Variants in RPS7 observed in about 807,000 individuals in gnomAD.
RPS7 encodes small ribosomal subunit protein eS7.
Under a neutral mutation model 22.1 loss-of-function variants are expected in RPS7, and 1 was observed. The ratio of observed to expected loss-of-function variants is 0.05; its 90% CI spans 0.02 to 0.21. RPS7 has a LOEUF of 0.21. Ranked by LOEUF, RPS7 falls within the 10% of genes least tolerant of loss-of-function variation. RPS7 has a pLI of 1.00. For synonymous variants in RPS7, 80 were observed against 92.0 expected, an observed-to-expected ratio of 0.87 and a Z score of 0.74; for missense variants, 137 against 246.4, an observed-to-expected ratio of 0.56 and a Z score of 2.97.
chr2:3,579,366 CTG>C (rs1457733460), intron 5 of RPS7: 2 of 152,274 alleles, frequency 1.3e-5, no homozygotes, highest in Non-Finnish European at 2.9e-5. Flanking sequence ...AAGATGTTAA[CTG>C]TGTATATGGG....
Position 3,576,805 on chromosome 2 carries a change from G to C in RPS7, c.291+175G>C, listed in dbSNP as rs13408903. ...CTTAGGCCTGTAATCCCAGCACGGG[G>C]AGGTGGAGGCGGGTGGATCACTGTA... On this transcript the variant is annotated intron_variant, in intron 4 of 6. Transcript: ENST00000645674. 34 of 813,148 alleles carry C rather than the reference G, an allele frequency of 4.2e-5. No homozygotes were observed. The African/African-American group carries it at 5.0e-4, about 12-fold the overall frequency. 50.4% of individuals were successfully genotyped at this position (813,148 alleles called of 1,614,324 possible). A position where few individuals can be genotyped will look rare whatever the true frequency, so the allele number is the denominator to read the frequency against.
intron 4 of RPS7, 166 bp downstream of exon 4, chr2:3,576,796 C>T (rs1661289644): frequency 1.2e-6 from 1 of 863,368 alleles, no homozygotes; most frequent in South Asian, 1.3e-5. Flanking sequence ...CCTGTAATCC[C>T]AGCACGGGGA....
At chr2:3,577,474 T>C (rs1175588313) in intron 4 of RPS7, 1 of 554,536 alleles carries the variant, frequency 1.8e-6, no homozygotes, top group African/African-American at 1.9e-5. Context: ...ATCTGGGAGA[T>C]TTTGTCCACT....
chr2:3,577,595 G>A (rs572293874), intron 4 of RPS7, 115 bp from the exon 5 acceptor site: 28 of 768,480 alleles, frequency 3.6e-5, no homozygotes, highest in African/African-American at 6.9e-5. Flanking sequence ...TAGCCTTCTC[G>A]AACTTTGAAC....
In RPS7 at chr2:3,576,611, A is replaced by T; in HGVS notation, c.272A>T (p.His91Leu). ...TTGGAGAAAAAGTTCAGTGGGAAGC[A>T]TGTCGTCTTTATCGCTCAGGTATCT... The part of the protein sequence containing the change: ...RELEKKFSGK[H>L]VVFIAQRRIL... Residue 91 changes from histidine to leucine, a missense_variant, in exon 4 of 7, where the codon CAT (histidine) becomes CTT (leucine). Physicochemically the swap from His to Leu is moderately conservative, Grantham distance 99. Around this residue, in one of 2 missense-constraint regions of RPS7, gnomAD observed 74 missense variants for 171.4 expected, o/e 0.43. Coordinates refer to ENST00000645674, the MANE Select transcript of RPS7 (RefSeq NM_001011.4). The T allele has an allele frequency of 6.2e-7, 1 of 1,614,214 alleles. No homozygotes were observed. Among genetic ancestry groups the T allele is most frequent in the Middle Eastern group, 1.6e-4 (1 of 6,062 alleles).
chr2:3,580,343 T>C, intron 6 of RPS7, 83 bp downstream of exon 6: 2 of 1,197,334 alleles, frequency 1.7e-6, no homozygotes, highest in Non-Finnish European at 2.5e-6. Context: ...TGCGCCACCA[T>C]AGCAATGACT....
intron 5 of RPS7, chr2:3,578,504 A>G (rs76055605): frequency 0.036 from 5,457 of 152,298 alleles, 113 homozygotes; most frequent in East Asian, 0.081. Flanking sequence ...TGCAGCTAGT[A>G]CTAGTAGTGC....
At chr2:3,577,594 C>T (rs925674230) in intron 4 of RPS7, 116 bp from the exon 5 acceptor site, 13 of 762,618 alleles carry the variant, frequency 1.7e-5, no homozygotes, top group Admixed American at 1.1e-4. Flanking sequence ...TTAGCCTTCT[C>T]GAACTTTGAA....
intron 4 of RPS7, 136 bp from the exon 5 acceptor site, chr2:3,577,574 T>TC: frequency 1.5e-6 from 1 of 687,136 alleles, no homozygotes; most frequent in Non-Finnish European, 2.6e-6. Context: ...CAATTGTTCG[T>TC]CTAAGTTGTT....
intron 5 of RPS7, chr2:3,579,739 A>G (rs1270594878): frequency 3.2e-6 from 1 of 313,196 alleles, no homozygotes; most frequent in African/African-American, 2.2e-5. Flanking sequence ...GATGAGCAAG[A>G]GTGTTAAAGG....
chr2:3,580,559 G>T (rs368415203), intron 6 of RPS7: 3 of 622,814 alleles, frequency 4.8e-6, no homozygotes, highest in Non-Finnish European at 8.5e-6. Flanking sequence ...CAGTGTCTTG[G>T]GGGGACATAA....
chr2:3,579,618 T>C (rs1247482029), intron 5 of RPS7: 3 of 181,304 alleles, frequency 1.7e-5, no homozygotes, highest in East Asian at 1.4e-4. Flanking sequence ...GGTAGTGATA[T>C]TCAGACGAGG....
intron 5 of RPS7, chr2:3,579,656 T>TC: frequency 5.0e-6 from 1 of 199,606 alleles, no homozygotes; most frequent in Admixed American, 5.3e-5. Context: ...AGTTCTGTGA[T>TC]GCTAAGTAAA....
At chr2:3,577,560 C>T (rs1220311714) in intron 4 of RPS7, 150 bp from the exon 5 acceptor site, 11 of 659,034 alleles carry the variant, frequency 1.7e-5, no homozygotes, top group African/African-American at 9.1e-5. Context: ...AGGGTTTGCT[C>T]AGTCAATTGT....
At chr2:3,575,433 G>A in intron 1 of RPS7, 83 bp downstream of exon 1, 1 of 621,648 alleles carries the variant, frequency 1.6e-6, no homozygotes, top group Non-Finnish European at 2.9e-6. Flanking sequence ...CTGGAGGGGC[G>A]AGCCTTGCTC....
chr2:3,578,905 A>G (rs139731396), intron 5 of RPS7: 12 of 152,330 alleles, frequency 7.9e-5, no homozygotes, highest in African/African-American at 2.9e-4. Flanking sequence ...TAGTCTGTAC[A>G]TTGAAAGCCT....
rs74399115 is a variant in RPS7 at position 3,576,972 on chromosome 2, A to G, written c.291+342A>G. Reference sequence around the variant, plus strand: ...GTGACAGACTGCTGTGTTTTGAGTTATGAAAATGATTTCCCATATTTAAAT... The same window carrying G: ...GTGACAGACTGCTGTGTTTTGAGTTGTGAAAATGATTTCCCATATTTAAAT... On this transcript the variant is annotated intron_variant, in intron 4 of 6. Transcript: ENST00000645674. The G allele has an allele frequency of 1.1e-4, 36 of 331,586 alleles. No individual in the cohort carries two copies. The East Asian group carries it at 2.8e-3, about 25-fold the overall frequency. The allele number at this position is 331,586 out of a possible 1,614,324, so 20.5% of individuals were successfully genotyped here. A position where few individuals can be genotyped will look rare whatever the true frequency, so the allele number is the denominator to read the frequency against.
chr2:3,577,063 C>T, intron 4 of RPS7: 1 of 260,594 alleles, frequency 3.8e-6, no homozygotes, highest in Non-Finnish European at 7.6e-6. Flanking sequence ...AGGCCGGGCC[C>T]TGTGGCTCAC....
chr2:3,575,798 G>A lies in RPS7; in HGVS notation c.76-19G>A, dbSNP rs1276306020. The A allele has an allele frequency of 6.2e-7, 1 of 1,610,712 alleles. No individual in the cohort carries two copies. Among genetic ancestry groups the A allele is most frequent in the South Asian group, 1.1e-5 (1 of 90,922 alleles). ...CGGACGCGCGCTCAGGGTCGGTCCT[G>A]CTGTTCGTTGCTTCTTAGGCTCTTC... On this transcript the variant is annotated intron_variant, in intron 2 of 6. Transcript: ENST00000645674.
Sources: allele counts gnomAD v4.1 joint callset, GRCh38; gene constraint gnomAD v4.1.1; regional missense constraint gnomAD v4.1.1; transcripts MANE v1.5; gene names NCBI Gene and HGNC (gene_info 2026-07-23, HGNC 2026-07-21).